The following CELF1 variants were observed in gnomAD, a reference collection of about 807,000 sequenced individuals.
The protein encoded by CELF1 is CUGBP Elav-like family member 1.
A neutral mutation model predicts 61.8 loss-of-function variants in CELF1; 10 were observed. That is an observed-to-expected ratio of 0.16 (90% CI 0.10 to 0.27). The LOEUF is 0.27. Among genes scored for constraint, CELF1 ranks in the 10% least tolerant of loss-of-function variants. The pLI is 1.00. For synonymous variants in CELF1, 236 were observed against 225.1 expected, an observed-to-expected ratio of 1.05 and a Z score of -0.43; for missense variants, 380 against 639.1, an observed-to-expected ratio of 0.59 and a Z score of 4.37.
rs1216735727 is a variant in CELF1, at chr11:47,482,841, T to C, written c.622A>G (p.Met208Val). The change falls in exon 9 of 15, where the codon ATG (methionine) becomes GTG (valine). Residue 208 changes from methionine (M) to valine (V), a missense_variant. Transcript: ENST00000687097. ...AQTMEGCSSP[M>V]VVKFADTQKD... ...TGTGTATCAGCAAATTTTACCACCA[T>C]GGGTGATGAGCAACCCTGTGAAAAG... 4 of 1,614,098 alleles carry C rather than the reference T, an allele frequency of 2.5e-6. No homozygotes were observed. Among genetic ancestry groups the C allele is most frequent in the Admixed American group, 1.7e-5 (1 of 59,994 alleles).
intron 1 of CELF1, among the ~76,000 whole-genome samples, chr11:47,522,451 C>A (rs2095973166): frequency 6.6e-6 from 1 of 151,708 alleles, no homozygotes; most frequent in Admixed American, 6.6e-5. Flanking sequence ...ACCCGGGAGG[C>A]AGAGGTTGCA....
chr11:47,500,915 A>C lies in CELF1; in HGVS notation c.-136T>G. The C allele has an allele frequency of 2.5e-6, 1 of 398,606 alleles. No individual in the cohort carries two copies. The highest frequency in any genetic ancestry group is 4.4e-5 in the Admixed American group (1 of 22,740). The allele number at this position is 398,606 out of a possible 1,614,324, so 24.7% of individuals were successfully genotyped here. The stretch of plus-strand genomic sequence containing the variant: ...TTCACAACACAGGGAACTTTGAAAA[A>C]AAGAAGTTATGTTCAGCCTGCAAAG... On this transcript the variant is annotated 5_prime_UTR_variant, in exon 2 of 15. Coordinates refer to ENST00000687097, the MANE Select transcript of CELF1 (RefSeq NM_001376376.1).
upstream of CELF1, among the ~76,000 whole-genome samples, chr11:47,553,902 C>A (rs943526523): frequency 1.3e-5 from 2 of 151,816 alleles, no homozygotes; most frequent in African/African-American, 4.8e-5. Context: ...GGAACGCAAG[C>A]AGTACAATTT....
Position 47,525,726 on chromosome 11 carries a change from C to T in CELF1, c.-153-24794G>A, listed in dbSNP as rs191363513. Among the ~76,000 whole-genome samples the T allele has an allele frequency of 2.0e-5, 3 of 152,266 alleles. No individual in the cohort carries two copies. In the East Asian group the frequency reaches 5.8e-4, roughly 29 times the overall value. On this transcript the variant is annotated intron_variant, in intron 1 of 14. Coordinates refer to ENST00000687097, the MANE Select transcript of CELF1 (RefSeq NM_001376376.1). ...TAACATGAGATATTAATAATAAAGG[C>T]AGACAGTACATGACTACTGCACTAA... is the stretch of plus-strand genomic sequence containing the variant.
intron 6 of CELF1, among the ~76,000 whole-genome samples, chr11:47,485,297 C>T (rs1396159029): frequency 1.3e-5 from 2 of 152,088 alleles, no homozygotes; most frequent in Admixed American, 6.6e-5. Context: ...CTTCCCACCT[C>T]AGCTTCCCGA....
chr11:47,517,799 C>A lies in CELF1; in HGVS notation c.-153-16867G>T, dbSNP rs145406248. 1.2e-4 allele frequency among the ~76,000 whole-genome samples: 18 copies of A among 152,226 alleles called. No individual in the cohort carries two copies. In the East Asian group the frequency reaches 3.3e-3, roughly 28 times the overall value. On this transcript the variant is annotated intron_variant, in intron 1 of 14. Coordinates refer to ENST00000687097, the MANE Select transcript of CELF1 (RefSeq NM_001376376.1). Reference sequence around the variant, plus strand: ...TCCCGAGCAGCTGGGATTACAGGCACCTGCCACCAAACCCAGCTACTTTTT... The same window carrying A: ...TCCCGAGCAGCTGGGATTACAGGCAACTGCCACCAAACCCAGCTACTTTTT...
chr11:47,466,229 C>A lies in CELF1; in HGVS notation c.*6001G>T, dbSNP rs933570447. The A allele has an allele frequency of 6.6e-6, 1 of 152,022 alleles. No homozygotes were observed. Among genetic ancestry groups the A allele is most frequent in the Non-Finnish European group, 1.5e-5 (1 of 68,010 alleles). 9.4% of individuals were successfully genotyped at this position (152,022 alleles called of 1,614,324 possible). ...TTTTTTTAAACCATTAAAGTAAAAT[C>A]CATAATTTTCTACAGAGTACAACAC... On this transcript the variant is annotated 3_prime_UTR_variant, in exon 15 of 15. Coordinates refer to ENST00000687097, the MANE Select transcript of CELF1 (RefSeq NM_001376376.1).
chr11:47,473,807 T>C (rs1271689072), intron 13 of CELF1, among the ~76,000 whole-genome samples: 2 of 152,190 alleles, frequency 1.3e-5, no homozygotes, highest in Non-Finnish European at 2.9e-5. Flanking sequence ...AATGGGAAAA[T>C]AAGAAATTAG....
In CELF1 at chr11:47,512,981, C is replaced by T. The variant is rs557694726; in HGVS notation, c.-153-12049G>A. ...ATGGACAAGTGAGATTTCCTGAAAA[C>T]AAAATCCACAGCTTTCATCAGATTC... On this transcript the variant is annotated intron_variant, in intron 1 of 14. Coordinates refer to ENST00000687097, the MANE Select transcript of CELF1 (RefSeq NM_001376376.1). Among the ~76,000 whole-genome samples, 3 of 152,280 alleles carry T rather than the reference C, an allele frequency of 2.0e-5. No individual in the cohort carries two copies. The South Asian group carries it at 6.2e-4, about 32-fold the overall frequency.
rs773819878 is a variant in CELF1 at position 47,472,265 on chromosome 11, G to A, written c.1510C>T (p.Leu504Phe). The A allele has an allele frequency of 1.2e-5, 19 of 1,614,070 alleles. No individual in the cohort carries two copies. The highest frequency in any genetic ancestry group is 1.6e-5 in the Non-Finnish European group (19 of 1,180,046). The change falls in exon 15 of 15, where the codon CTC (leucine) becomes TTC (phenylalanine). Residue 504 changes from leucine to phenylalanine, a missense_variant. Coordinates refer to ENST00000687097, the MANE Select transcript of CELF1 (RefSeq NM_001376376.1). ...QIGMKRLKVQ[L>F]KRSKNDSKPY The stretch of plus-strand genomic sequence containing the variant: ...TTGCTGTCATTCTTCGAACGTTTGA[G>A]CTGCACTTTAAGCCGCTTCATGCCA...
At chr11:47,558,679 AATATATT>A in intron 2 of CELF1, among the ~76,000 whole-genome samples, 1 of 105,078 alleles carries the variant, frequency 9.5e-6, no homozygotes, top group East Asian at 2.4e-4. Flanking sequence ...TATAATATGT[AATATATT>A]ATATATAATA....
At chr11:47,552,943 T>TC (rs2097182030) in intron 1 of CELF1, 49 bp downstream of exon 1, 2 of 397,426 alleles carry the variant, frequency 5.0e-6, no homozygotes, top group African/African-American at 2.1e-5. Flanking sequence ...TTGCCTTTTT[T>TC]CCCCTCCCTC....
chr11:47,552,898 C>G, intron 1 of CELF1, 94 bp downstream of exon 1: 1 of 396,554 alleles, frequency 2.5e-6, no homozygotes, highest in East Asian at 3.6e-5. Flanking sequence ...GACCCGCGGC[C>G]TCCCTAACCG....
intron 1 of CELF1, among the ~76,000 whole-genome samples, chr11:47,549,461 T>C (rs528065421): frequency 1.1e-4 from 17 of 152,238 alleles, no homozygotes; most frequent in Admixed American, 9.2e-4. Flanking sequence ...CAATATGATA[T>C]ATATATATAC....
At chr11:47,472,875 T>C (rs2078295985) in intron 14 of CELF1, among the ~76,000 whole-genome samples, 1 of 152,194 alleles carries the variant, frequency 6.6e-6, no homozygotes, top group African/African-American at 2.4e-5. Flanking sequence ...TTCCATATAT[T>C]ATTTTTCTCT....
At chr11:47,482,592 G>T in intron 9 of CELF1, 103 bp downstream of exon 9, 2 of 1,128,872 alleles carry the variant, frequency 1.8e-6, no homozygotes, top group Non-Finnish European at 1.3e-6. Flanking sequence ...ATTTCTATAT[G>T]CCAAAAGTTG....
intron 6 of CELF1, among the ~76,000 whole-genome samples, chr11:47,486,110 A>G (rs12808327): frequency 1 from 22,134 of 22,138 alleles, 11,065 homozygotes; most frequent in Middle Eastern, 1. Context: ...GCAATGAGCT[A>G]AGATCATGCC....
At chr11:47,499,980 C>A (rs552865968) in intron 2 of CELF1, among the ~76,000 whole-genome samples, 2 of 152,200 alleles carry the variant, frequency 1.3e-5, no homozygotes, top group African/African-American at 2.4e-5. Flanking sequence ...AAAAGGCTCA[C>A]CGAAGAAATG....
chr11:47,551,303 T>A (rs1297802420), intron 1 of CELF1, among the ~76,000 whole-genome samples: 1 of 152,186 alleles, frequency 6.6e-6, no homozygotes, highest in Non-Finnish European at 1.5e-5. Flanking sequence ...GGTGGTGGAC[T>A]GTCATGAGGA....
Sources: gnomAD v4.1 joint callset for allele counts (sites outside exome capture counted in the v4.1 genomes callset) on GRCh38, gnomAD v4.1.1 for gene constraint, MANE v1.5 for transcripts, NCBI Gene and HGNC (gene_info 2026-07-23, HGNC 2026-07-21) for gene names.